Variants in COMMD7 observed in about 807,000 individuals in gnomAD.
COMMD7 encodes COMM domain-containing protein 7.
A neutral mutation model predicts 34.8 loss-of-function variants in COMMD7; 28 were observed. The observed-to-expected ratio is 0.80, with a 90% CI of 0.60 to 1.10. COMMD7 has a LOEUF of 1.10. Ranked by LOEUF, COMMD7 falls within the 50% of genes least tolerant of loss-of-function variation. The pLI, the probability that COMMD7 is intolerant of heterozygous loss-of-function variation, is 0.00. For synonymous variants in COMMD7, 80 were observed against 86.4 expected (o/e 0.93, Z 0.41); for missense variants, 211 against 241.6 (o/e 0.87, Z 0.84).
intron 1 of COMMD7, among the ~76,000 whole-genome samples, chr20:32,734,180 C>CAAA (rs1208862092): frequency 5.0e-5 from 4 of 79,862 alleles, no homozygotes; most frequent in African/African-American, 1.5e-4. Flanking sequence ...GACTCCGTCA[C>CAAA]AAAAAAAAAA....
Position 32,703,064 on chromosome 20 carries a change from G to A in COMMD7, c.*318C>T, listed in dbSNP as rs561589624. Reference sequence around the variant, plus strand: ...AATGATGGCACCATTTGTTTACTCTGGAACTTTGAAGGGGAGGTGACAACT... The same window carrying A: ...AATGATGGCACCATTTGTTTACTCTAGAACTTTGAAGGGGAGGTGACAACT... On this transcript the variant is annotated 3_prime_UTR_variant, in exon 9 of 9. Transcript: ENST00000278980. 3 of 246,148 alleles carry A rather than the reference G, an allele frequency of 1.2e-5. 1 individual carries two copies. The highest frequency in any genetic ancestry group is 2.4e-4 in the South Asian group (2 of 8,438). 15.2% of individuals were successfully genotyped at this position (246,148 alleles called of 1,614,324 possible). A position where few individuals can be genotyped will look rare whatever the true frequency, so the allele number is the denominator to read the frequency against.
intron 1 of COMMD7, among the ~76,000 whole-genome samples, chr20:32,735,097 G>T (rs1986063181): frequency 6.8e-6 from 1 of 147,798 alleles, no homozygotes; most frequent in Non-Finnish European, 1.5e-5. Context: ...AATTAGCTGG[G>T]CATAATGGTG....
At chr20:32,714,946 G>A (rs940066440) in intron 3 of COMMD7, among the ~76,000 whole-genome samples, 14 of 151,910 alleles carry the variant, frequency 9.2e-5, no homozygotes, top group African/African-American at 2.9e-4. Flanking sequence ...GGAGGCAGTG[G>A]TTGCAGTGAG....
intron 1 of COMMD7, chr20:32,742,462 A>C (rs536026178): frequency 6.6e-6 from 1 of 151,934 alleles, no homozygotes; most frequent in Admixed American, 6.6e-5. Flanking sequence ...GGGGGTGAGA[A>C]GTGTCATTCT....
At chr20:32,708,473 A>G (rs1984228966) in intron 3 of COMMD7, among the ~76,000 whole-genome samples, 1 of 152,114 alleles carries the variant, frequency 6.6e-6, no homozygotes. Flanking sequence ...CAAGGAAGCC[A>G]CACGGAATAA....
chr20:32,705,374 ATATTT>A, intron 5 of COMMD7, among the ~76,000 whole-genome samples: 1 of 93,206 alleles, frequency 1.1e-5, no homozygotes, highest in African/African-American at 4.4e-5. Context: ...ATATATATAT[ATATTT>A]TTTTTTTTCT....
rs538176910 is a variant in COMMD7, at chr20:32,740,646, T to C, written c.84+2662A>G. ...GCCAAAAAGTTTAACAAAACCAGCC[T>C]GGGCAACATGGCAAAACTCTGTCTT... On this transcript the variant is annotated intron_variant, in intron 1 of 8. Transcript: ENST00000278980. Among the ~76,000 whole-genome samples the C allele has an allele frequency of 5.9e-5, 9 of 152,136 alleles. No individual in the cohort carries two copies. In the South Asian group the frequency reaches 1.9e-3, roughly 32 times the overall value.
chr20:32,703,130 G>C lies in COMMD7; in HGVS notation c.*252C>G. ...ATCTGAGATGCAGTGGCCTGTCAGAGTATCTAAAAATGTGTCCTGGAAGAC... is the reference window on the plus strand; with the variant it reads ...ATCTGAGATGCAGTGGCCTGTCAGACTATCTAAAAATGTGTCCTGGAAGAC... On this transcript the variant is annotated 3_prime_UTR_variant, in exon 9 of 9. Transcript: ENST00000278980. 1 of 360,212 alleles carries C rather than the reference G, an allele frequency of 2.8e-6. No individual in the cohort carries two copies. Among genetic ancestry groups the C allele is most frequent in the Non-Finnish European group, 5.0e-6 (1 of 201,472 alleles). The allele number at this position is 360,212 out of a possible 1,614,324, so 22.3% of individuals were successfully genotyped here.
At chr20:32,703,536 AG>A (rs1482362107) in intron 8 of COMMD7, 78 bp from the exon 9 acceptor site, 14 of 1,551,230 alleles carry the variant, frequency 9.0e-6, no homozygotes, top group Non-Finnish European at 1.2e-5. Context: ...TTCCACCCGG[AG>A]GATTTTTTTT....
chr20:32,703,333 G>T lies in COMMD7; in HGVS notation c.*49C>A. On this transcript the variant is annotated 3_prime_UTR_variant, in exon 9 of 9. Transcript: ENST00000278980. ...GTGCCTCTCAGAGCAGTCACCCAGG[G>T]AAGGGAGGAGGGCAGGGAACGGGGC... is the stretch of plus-strand genomic sequence containing the variant. 6.5e-7 allele frequency: 1 copy of T among 1,547,696 alleles called. No individual in the cohort carries two copies. The highest frequency in any genetic ancestry group is 8.9e-7 in the Non-Finnish European group (1 of 1,124,974).
At position 32,703,229 on chromosome 20, in the gene COMMD7, G is replaced by A. The variant is rs28536125; in HGVS notation, c.*153C>T. Reference sequence around the variant, plus strand: ...GGCTCTTTCAGTACTTAATCCTGCTGTTTTTCAGAAACCCTTTGCACCTGG... The same window carrying A: ...GGCTCTTTCAGTACTTAATCCTGCTATTTTTCAGAAACCCTTTGCACCTGG... On this transcript the variant is annotated 3_prime_UTR_variant, in exon 9 of 9. Transcript: ENST00000278980. 7.6e-4 allele frequency: 475 copies of A among 629,062 alleles called. 2 individuals carry two copies. The highest frequency in any genetic ancestry group is 7.1e-3 in the African/African-American group (387 of 54,260). 39.0% of individuals were successfully genotyped at this position (629,062 alleles called of 1,614,324 possible). A position where few individuals can be genotyped will look rare whatever the true frequency, so the allele number is the denominator to read the frequency against.
intron 5 of COMMD7, 100 bp from the exon 6 acceptor site, chr20:32,705,004 G>A: frequency 2.4e-6 from 2 of 846,726 alleles, no homozygotes; most frequent in South Asian, 1.5e-5. Context: ...CACAGATAGT[G>A]GGGAGGGTGC....
rs1332525594 is a variant in COMMD7 at position 32,743,280 on chromosome 20, G to A, written c.84+28C>T. 3.4e-5 allele frequency: 24 copies of A among 703,800 alleles called. No individual in the cohort carries two copies. In the African/African-American group the frequency reaches 4.2e-4, roughly 12 times the overall value. 43.6% of individuals were successfully genotyped at this position (703,800 alleles called of 1,614,324 possible). ...CGGATCCTGGAATCACCTGGGCCCC[G>A]CGCCCCACGCCCCGCCGCCGGGCCC... On this transcript the variant is annotated intron_variant, in intron 1 of 8. Coordinates refer to ENST00000278980, the MANE Select transcript of COMMD7 (RefSeq NM_053041.3).
At chr20:32,740,972 G>A (rs1415989649) in intron 1 of COMMD7, among the ~76,000 whole-genome samples, 3 of 151,738 alleles carry the variant, frequency 2.0e-5, no homozygotes, top group Non-Finnish European at 2.9e-5. Context: ...GTGAAACGCT[G>A]TCTCTACTAA....
intron 3 of COMMD7, among the ~76,000 whole-genome samples, chr20:32,717,052 T>G (rs1984834878): frequency 6.6e-6 from 1 of 152,084 alleles, no homozygotes; most frequent in African/African-American, 2.4e-5. Flanking sequence ...AGAATGGTCT[T>G]GATCTCCTGA....
intron 8 of COMMD7, 167 bp from the exon 9 acceptor site, chr20:32,703,625 A>T (rs1429175610): frequency 1.4e-6 from 2 of 1,440,178 alleles, no homozygotes; most frequent in East Asian, 5.0e-5. Flanking sequence ...ACTTGAATGC[A>T]GAAGGTTCTC....
intron 1 of COMMD7, 70 bp downstream of exon 1, chr20:32,743,238 C>T: frequency 2.2e-6 from 1 of 446,630 alleles, no homozygotes; most frequent in Non-Finnish European, 4.1e-6. Context: ...CCCCGGACGT[C>T]CCCCCCACCC....
chr20:32,716,616 A>G (rs1312661619), intron 3 of COMMD7, among the ~76,000 whole-genome samples: 1 of 152,084 alleles, frequency 6.6e-6, no homozygotes, highest in African/African-American at 2.4e-5. Flanking sequence ...CTCCGTCTCA[A>G]AAACAAAAAA....
chr20:32,727,409 T>C (rs969887620), intron 3 of COMMD7, among the ~76,000 whole-genome samples: 1 of 151,248 alleles, frequency 6.6e-6, no homozygotes, highest in Non-Finnish European at 1.5e-5. Flanking sequence ...TGGTGGTGCG[T>C]GCCTGTAATC....
Sources: gnomAD v4.1 joint callset for allele counts (sites outside exome capture counted in the v4.1 genomes callset) on GRCh38, gnomAD v4.1.1 for gene constraint, MANE v1.5 for transcripts, NCBI Gene and HGNC (gene_info 2026-07-23, HGNC 2026-07-21) for gene names.